Variants in RSL1D1 observed in about 807,000 individuals in gnomAD.
The protein encoded by RSL1D1 is ribosomal L1 domain-containing protein 1.
Under a neutral mutation model 44.6 loss-of-function variants are expected in RSL1D1, and 34 were observed. The observed-to-expected ratio is 0.76, with a 90% confidence interval of 0.58 to 1.02. The LOEUF (loss-of-function observed/expected upper bound fraction) is 1.02, where lower values mean the gene tolerates loss of function less well. Among genes scored for constraint, RSL1D1 ranks in the 50% least tolerant of loss-of-function variants. RSL1D1 has a pLI of 0.00. For missense variants in RSL1D1, 767 were observed against 568.1 expected (o/e 1.35, Z -3.56); for synonymous variants, 271 against 207.4 (o/e 1.31, Z -2.63).
At chr16:11,847,837 A>G (rs770517476) in intron 2 of RSL1D1, 31 bp from the exon 3 acceptor site, 1 of 1,606,352 alleles carries the variant, frequency 6.2e-7, no homozygotes, top group Non-Finnish European at 8.5e-7. Flanking sequence ...AACCGAGGAA[A>G]GCATTATTAC....
intron 2 of RSL1D1, among the ~76,000 whole-genome samples, chr16:11,848,019 A>G (rs1040208774): frequency 1.3e-5 from 2 of 152,218 alleles, no homozygotes; most frequent in Non-Finnish European, 2.9e-5. Flanking sequence ...AGGGAGGCCA[A>G]GGCAGATGGA....
chr16:11,839,481 C>A (rs915875631), intron 8 of RSL1D1, among the ~76,000 whole-genome samples: 2 of 149,786 alleles, frequency 1.3e-5, no homozygotes, highest in African/African-American at 4.9e-5. Context: ...CTGTTTTGAC[C>A]CCCGGAGTGT....
chr16:11,846,749 C>T lies in RSL1D1; in HGVS notation c.479G>A (p.Arg160Lys), dbSNP rs774802949. The T allele has an allele frequency of 1.2e-6, 2 of 1,613,948 alleles. No homozygotes were observed. The highest frequency in any genetic ancestry group is 3.3e-5 in the Admixed American group (2 of 60,000). Residue 160 changes from arginine to lysine, a missense_variant, in exon 4 of 9, where the codon AGA becomes AAA. Arg to Lys is a conservative substitution (Grantham distance 26, BLOSUM62 2). Coordinates refer to ENST00000571133, the MANE Select transcript of RSL1D1 (RefSeq NM_015659.3). ...SSFDFFLTDA[R>K]IRRLLPSLIG... is the part of the protein sequence containing the mutation. Reference sequence around the variant, plus strand: ...GAGTGAGGGTAAGAGCCGCCTAATTCTGGCATCAGTAAGGAAGAAATCAAA... The same window carrying T: ...GAGTGAGGGTAAGAGCCGCCTAATTTTGGCATCAGTAAGGAAGAAATCAAA...
chr16:11,848,311 C>T (rs1314377345), intron 2 of RSL1D1, among the ~76,000 whole-genome samples: 3 of 152,088 alleles, frequency 2.0e-5, no homozygotes, highest in African/African-American at 7.2e-5. Context: ...CACAAAAACA[C>T]ACAGGCCCAA....
intron 5 of RSL1D1, among the ~76,000 whole-genome samples, chr16:11,843,083 G>A (rs1004749719): frequency 6.6e-6 from 1 of 150,466 alleles, no homozygotes; most frequent in Admixed American, 6.7e-5. Flanking sequence ...CACCACGCCC[G>A]GCTAATTTTT....
intron 5 of RSL1D1, among the ~76,000 whole-genome samples, chr16:11,842,419 G>T (rs2053769515): frequency 6.6e-6 from 1 of 152,140 alleles, no homozygotes; most frequent in East Asian, 1.9e-4. Flanking sequence ...TTGAGACAGG[G>T]TTTTCCTGTC....
At chr16:11,838,231 C>G in intron 8 of RSL1D1, 118 bp from the exon 9 acceptor site, 1 of 876,732 alleles carries the variant, frequency 1.1e-6, no homozygotes, top group Non-Finnish European at 1.7e-6. Context: ...TTCGCTCTTG[C>G]TGCCCATGCT....
chr16:11,840,081 G>A (rs1013112586), intron 7 of RSL1D1, 96 bp from the exon 8 acceptor site: 3 of 1,517,636 alleles, frequency 2.0e-6, no homozygotes, highest in African/African-American at 1.4e-5. Context: ...TTATCCATAA[G>A]CCCCTAAATG....
intron 8 of RSL1D1, 30 bp downstream of exon 8, chr16:11,839,665 C>T (rs745882521): frequency 5.6e-6 from 9 of 1,608,874 alleles, no homozygotes. Flanking sequence ...TGAACCAATC[C>T]ATTATGAACA....
rs1486788465 is a variant in RSL1D1, at chr16:11,851,534, G to A, written c.-22C>T. On this transcript the variant is annotated 5_prime_UTR_variant, in exon 1 of 9. Coordinates refer to ENST00000571133, the MANE Select transcript of RSL1D1 (RefSeq NM_015659.3). ...CCATCTTGTTTCCACCTCGTGAAGA[G>A]GCGCGTGTGCAACCCCACTGCTGGC... is the stretch of plus-strand genomic sequence containing the variant. The A allele has an allele frequency of 7.5e-6, 12 of 1,609,684 alleles. No homozygotes were observed. Among genetic ancestry groups the A allele is most frequent in the South Asian group, 2.2e-5 (2 of 90,834 alleles).
At chr16:11,851,127 G>A in intron 1 of RSL1D1, 1 of 496,880 alleles carries the variant, frequency 2.0e-6, no homozygotes, top group South Asian at 2.0e-5. Flanking sequence ...ATTCGGTCAA[G>A]CGCTAATGAT....
rs535434776 is a variant in RSL1D1, at chr16:11,840,497, GC to G, written c.856-513del. Reference sequence around the variant, plus strand: ...ACAGAGAATCATTTGAACCTGGAAGGCGGGGGGTTGTAGTGAGCTGAGATCA... The same window carrying G: ...ACAGAGAATCATTTGAACCTGGAAGGGGGGGGTTGTAGTGAGCTGAGATCA... On this transcript the variant is annotated intron_variant, in intron 7 of 8. Coordinates refer to ENST00000571133, the MANE Select transcript of RSL1D1 (RefSeq NM_015659.3). Among the ~76,000 whole-genome samples, 9 of 152,264 alleles carry G rather than the reference GC, an allele frequency of 5.9e-5. No homozygotes were observed. The East Asian group carries it at 1.7e-3, about 29-fold the overall frequency.
rs752219883 is a variant in RSL1D1, at chr16:11,851,492, G to A, written c.21C>T (p.Ala7=). Residue 7 remains alanine (A), a synonymous_variant, in exon 1 of 9, where the codon GCC becomes GCT. Transcript: ENST00000571133. ...CAGTAGCGGCTGCAGAAGACAGCGA[G>A]GCCGAGGCCGAATCCTCCATCTTGT... The part of the protein sequence containing the change: MEDSAS[A]SLSSAAATGT... The A allele has an allele frequency of 6.2e-7, 1 of 1,613,776 alleles. No homozygotes were observed. The highest frequency in any genetic ancestry group is 1.1e-5 in the South Asian group (1 of 91,078).
Position 11,850,301 on chromosome 16 carries a change from T to C in RSL1D1, c.223A>G (p.Ser75Gly), listed in dbSNP as rs936016590. The C allele has an allele frequency of 6.3e-7, 1 of 1,586,304 alleles. No homozygotes were observed. Among genetic ancestry groups the C allele is most frequent in the Admixed American group, 2.0e-5 (1 of 50,194 alleles). The change falls in exon 2 of 9, where the codon AGT becomes GGT. Residue 75 changes from serine to glycine, a missense_variant. Physicochemically the swap from Ser to Gly is moderately conservative, Grantham distance 56 (BLOSUM62 0). Transcript: ENST00000571133. ...TACAATCTGACCCTCAGTTCTTTAC[T>C]TGGAATTTTCCATAATACCACCATT... ...FLMVVLWKIPSKELRVRLTLP... is the reference protein window; with the variant it reads ...FLMVVLWKIPGKELRVRLTLP...
In RSL1D1 at chr16:11,841,694, CT is replaced by C; in HGVS notation, c.855del (p.Glu286ArgfsTer45). On this transcript the variant is annotated frameshift_variant and splice_region_variant, in exon 7 of 9. Coordinates refer to ENST00000571133, the MANE Select transcript of RSL1D1 (RefSeq NM_015659.3). LOFTEE classifies it high-confidence loss of function. Reference sequence around the variant, plus strand: ...CTGTAAGTATTTAAAATTCTACTAACTTTTTTCTTCTTATTAAGCAAAGATC... The same window carrying C: ...CTGTAAGTATTTAAAATTCTACTAACTTTTTCTTCTTATTAAGCAAAGATC... Reference protein sequence around the residue: ...TKRSLLNKKKKEARRKRRERN... With the variant: ...TKRSLLNKKKXEARRKRRERN... 1.2e-6 allele frequency: 2 copies of C among 1,609,902 alleles called. No homozygotes were observed. The highest frequency in any genetic ancestry group is 8.5e-7 in the Non-Finnish European group (1 of 1,178,536).
intron 2 of RSL1D1, 115 bp from the exon 3 acceptor site, chr16:11,847,921 T>A: frequency 9.2e-7 from 1 of 1,085,536 alleles, no homozygotes; most frequent in Admixed American, 2.3e-5. Flanking sequence ...TTAGTCATGC[T>A]AGTTAAGCAA....
intron 2 of RSL1D1, among the ~76,000 whole-genome samples, chr16:11,849,910 G>A (rs564981867): frequency 9.9e-5 from 15 of 152,094 alleles, no homozygotes; most frequent in African/African-American, 3.4e-4. Context: ...GGAGTGCAAT[G>A]GAGACATCTC....
At chr16:11,839,280 T>C (rs2053745335) in intron 8 of RSL1D1, among the ~76,000 whole-genome samples, 1 of 151,282 alleles carries the variant, frequency 6.6e-6, no homozygotes, top group Non-Finnish European at 1.5e-5. Flanking sequence ...GAAGGAGAAT[T>C]GCTTGAACCA....
At position 11,837,485 on chromosome 16, in the gene RSL1D1, G is replaced by C. The variant is rs1409176628; in HGVS notation, c.*302C>G. The C allele has an allele frequency of 9.4e-6, 2 of 213,774 alleles. No individual in the cohort carries two copies. Among genetic ancestry groups the C allele is most frequent in the Admixed American group, 1.1e-4 (2 of 18,922 alleles). The allele number at this position is 213,774 out of a possible 1,614,324, so 13.2% of individuals were successfully genotyped here. A position where few individuals can be genotyped will look rare whatever the true frequency, so the allele number is the denominator to read the frequency against. Reference sequence around the variant, plus strand: ...CCTGCCTCAGCCTCCCTAGTAGCTGGGATTACAGGTGTCCACCACCATGCC... The same window carrying C: ...CCTGCCTCAGCCTCCCTAGTAGCTGCGATTACAGGTGTCCACCACCATGCC... On this transcript the variant is annotated 3_prime_UTR_variant, in exon 9 of 9. Transcript: ENST00000571133.
Sources: allele counts gnomAD v4.1 joint callset (sites outside exome capture counted in the v4.1 genomes callset), GRCh38; gene constraint gnomAD v4.1.1; transcripts MANE v1.5; gene names NCBI Gene and HGNC (gene_info 2026-07-23, HGNC 2026-07-21).